GRID2: variants seen among roughly 807,000 people sequenced by gnomAD.
GRID2 encodes glutamate receptor ionotropic, delta-2.
Under a neutral mutation model 114.8 loss-of-function variants are expected in GRID2, and 33 were observed. The ratio of observed to expected loss-of-function variants is 0.29; its 90% CI spans 0.22 to 0.38. GRID2 has a LOEUF of 0.38. Ranked by LOEUF, GRID2 falls within the 10% of genes least tolerant of loss-of-function variation. The pLI is 1.00. For synonymous variants in GRID2, 505 were observed against 449.9 expected (o/e 1.12, Z -1.55); for missense variants, 1,184 against 1,257.7 (o/e 0.94, Z 0.89).
At chr4:93,247,112 A>G (rs1327764476) in intron 8 of GRID2, among the ~76,000 whole-genome samples, 2 of 151,664 alleles carry the variant, frequency 1.3e-5, no homozygotes, top group Middle Eastern at 3.2e-3. Context: ...GATCATGCCA[A>G]CCTCTCCAGT....
At chr4:93,467,837 A>G (rs1159411943) in intron 11 of GRID2, among the ~76,000 whole-genome samples, 1 of 152,180 alleles carries the variant, frequency 6.6e-6, no homozygotes, top group African/African-American at 2.4e-5. Context: ...CTCTTAATTA[A>G]CTACACTAAT....
At chr4:93,364,125 G>C (rs1762121901) in intron 8 of GRID2, among the ~76,000 whole-genome samples, 2 of 151,916 alleles carry the variant, frequency 1.3e-5, no homozygotes, top group African/African-American at 4.8e-5. Context: ...AAAATCTGAA[G>C]ACATATATAC....
intron 2 of GRID2, among the ~76,000 whole-genome samples, chr4:92,719,756 C>G (rs908879970): frequency 6.6e-6 from 1 of 151,794 alleles, no homozygotes; most frequent in Non-Finnish European, 1.5e-5. Context: ...GAAAAGATGA[C>G]GAAGTAAAAT....
At chr4:92,442,432 C>T (rs547156561) in intron 1 of GRID2, among the ~76,000 whole-genome samples, 4 of 152,114 alleles carry the variant, frequency 2.6e-5, no homozygotes, top group South Asian at 4.2e-4. Flanking sequence ...GTAGCAAGCT[C>T]CTTGGGGAGG....
chr4:93,607,642 T>A (rs1740390001), intron 13 of GRID2, among the ~76,000 whole-genome samples: 1 of 152,164 alleles, frequency 6.6e-6, no homozygotes, highest in African/African-American at 2.4e-5. Context: ...CATTTTCCTG[T>A]TTCCACTAGC....
chr4:93,721,624 GT>G (rs1729380525), intron 14 of GRID2, among the ~76,000 whole-genome samples: 1 of 152,142 alleles, frequency 6.6e-6, no homozygotes, highest in Non-Finnish European at 1.5e-5. Context: ...TGTGATTGGT[GT>G]GAGTATTGGA....
chr4:92,389,842 C>T (rs1286585021), intron 1 of GRID2, among the ~76,000 whole-genome samples: 1 of 151,952 alleles, frequency 6.6e-6, no homozygotes, highest in African/African-American at 2.4e-5. Context: ...ATTCTTGCCC[C>T]TATATTATTC....
At chr4:93,008,297 G>A (rs1721772409) in intron 2 of GRID2, among the ~76,000 whole-genome samples, 1 of 151,990 alleles carries the variant, frequency 6.6e-6, no homozygotes, top group Admixed American at 6.6e-5. Context: ...GGAATCTGTT[G>A]AAATTCTGAG....
chr4:92,417,252 AG>A (rs1224799433), intron 1 of GRID2, among the ~76,000 whole-genome samples: 1 of 152,190 alleles, frequency 6.6e-6, no homozygotes, highest in Non-Finnish European at 1.5e-5. Context: ...TGACTTTTAA[AG>A]TCCTAGGTAT....
intron 4 of GRID2, among the ~76,000 whole-genome samples, chr4:93,198,850 C>T (rs1457327179): frequency 6.6e-6 from 1 of 152,038 alleles, no homozygotes; most frequent in Admixed American, 6.5e-5. Flanking sequence ...TCTTTATTGG[C>T]TTCAAGATAG....
intron 8 of GRID2, among the ~76,000 whole-genome samples, chr4:93,334,215 A>G (rs1166134124): frequency 6.6e-6 from 1 of 152,194 alleles, no homozygotes; most frequent in Non-Finnish European, 1.5e-5. Context: ...TGTGAAATAC[A>G]GAATGGTTTC....
intron 4 of GRID2, among the ~76,000 whole-genome samples, chr4:93,133,354 A>C (rs1734970868): frequency 6.6e-6 from 1 of 152,196 alleles, no homozygotes; most frequent in African/African-American, 2.4e-5. Flanking sequence ...ACTGCTCTTC[A>C]GAAATAGTTT....
chr4:92,983,854 T>C (rs1754357447), intron 2 of GRID2, among the ~76,000 whole-genome samples: 1 of 152,152 alleles, frequency 6.6e-6, no homozygotes, highest in Non-Finnish European at 1.5e-5. Context: ...TATATGTTTA[T>C]TTTATGTCAA....
intron 2 of GRID2, among the ~76,000 whole-genome samples, chr4:92,606,035 G>A (rs942111601): frequency 5.9e-5 from 9 of 151,404 alleles, no homozygotes; most frequent in African/African-American, 1.2e-4. Flanking sequence ...TTCTTTCCAG[G>A]AAAACTAAAA....
chr4:93,526,948 C>T (rs1165814867), intron 13 of GRID2, among the ~76,000 whole-genome samples: 1 of 151,988 alleles, frequency 6.6e-6, no homozygotes, highest in Non-Finnish European at 1.5e-5. Context: ...TGTTTTCATG[C>T]CCTTGTCTTT....
chr4:92,760,983 TA>T (rs1392854525), intron 2 of GRID2, among the ~76,000 whole-genome samples: 1 of 152,200 alleles, frequency 6.6e-6, no homozygotes, highest in Non-Finnish European at 1.5e-5. Context: ...AATTATTAAC[TA>T]ATATCTTTAT....
intron 2 of GRID2, among the ~76,000 whole-genome samples, chr4:92,675,887 C>T (rs1256855451): frequency 2.0e-5 from 3 of 151,712 alleles, no homozygotes; most frequent in Non-Finnish European, 4.4e-5. Flanking sequence ...GGTTTGGAAG[C>T]GTCCCCAGGT....
chr4:92,487,756 T>G (rs1052454170), intron 1 of GRID2, among the ~76,000 whole-genome samples: 3 of 54,726 alleles, frequency 5.5e-5, no homozygotes, highest in African/African-American at 3.0e-4. Context: ...GTGGGTTTTT[T>G]GTTTGTTTGT....
intron 4 of GRID2, among the ~76,000 whole-genome samples, chr4:93,148,309 A>G (rs911790934): frequency 6.6e-6 from 1 of 152,200 alleles, no homozygotes; most frequent in Non-Finnish European, 1.5e-5. Context: ...TGGCACACCA[A>G]TAACACTCAT....
Sources: gnomAD v4.1 joint callset for allele counts (sites outside exome capture counted in the v4.1 genomes callset) on GRCh38, gnomAD v4.1.1 for gene constraint, MANE v1.5 for transcripts, NCBI Gene and HGNC (gene_info 2026-07-23, HGNC 2026-07-21) for gene names.